Variants in CRTC1 observed in about 807,000 individuals in gnomAD.
CRTC1 encodes CREB-regulated transcription coactivator 1.
In CRTC1, 18 loss-of-function variants were observed where a neutral mutation model predicts 66.1. The ratio of observed to expected loss-of-function variants is 0.27; its 90% CI spans 0.19 to 0.40. The LOEUF is 0.40. CRTC1 is among the 10% of genes least tolerant of loss of function. The probability of loss-of-function intolerance (pLI) is 1.00; values close to 1 mark genes in which losing one functional copy is unlikely to be tolerated. For synonymous variants in CRTC1, 416 were observed against 398.8 expected (o/e 1.04, Z -0.51); for missense variants, 669 against 887.9 (o/e 0.75, Z 3.13).
chr19:18,753,537 A>G lies in CRTC1; in HGVS notation c.576A>G (p.Thr192=), dbSNP rs1435446839. ...CAGTCCCAGGAATGGAAGAGACCACATCAGAGGCAGACAAAAACCTTTCCA... is the reference window on the plus strand; with the variant it reads ...CAGTCCCAGGAATGGAAGAGACCACGTCAGAGGCAGACAAAAACCTTTCCA... The part of the protein sequence containing the change: ...LLTVPGMEET[T]SEADKNLSKQ... Residue 192 remains threonine, a synonymous_variant, in exon 6 of 14, where the codon ACA becomes ACG. Transcript: ENST00000321949. The G allele has an allele frequency of 1.2e-6, 2 of 1,613,474 alleles. No individual in the cohort carries two copies. Among genetic ancestry groups the G allele is most frequent in the Non-Finnish European group, 1.7e-6 (2 of 1,179,662 alleles).
intron 1 of CRTC1, among the ~76,000 whole-genome samples, chr19:18,714,918 G>C (rs2053472214): frequency 6.6e-6 from 1 of 152,256 alleles, no homozygotes; most frequent in African/African-American, 2.4e-5. Context: ...TTCCCAGCCT[G>C]GGCTTCGGGA....
At chr19:18,764,821 G>A (rs1311954277) in intron 8 of CRTC1, among the ~76,000 whole-genome samples, 1 of 152,200 alleles carries the variant, frequency 6.6e-6, no homozygotes, top group Non-Finnish European at 1.5e-5. Context: ...CTGCAGGAAT[G>A]GGCACATTCA....
intron 6 of CRTC1, among the ~76,000 whole-genome samples, chr19:18,755,358 T>TA (rs796267490): frequency 2.1e-4 from 32 of 152,234 alleles, no homozygotes; most frequent in Middle Eastern, 3.4e-3. Context: ...GTCCTGGACT[T>TA]AAACAGTCCT....
chr19:18,728,655 G>A (rs1412040500), intron 1 of CRTC1, among the ~76,000 whole-genome samples: 2 of 151,706 alleles, frequency 1.3e-5, no homozygotes, highest in Admixed American at 1.3e-4. Context: ...ACAGGCATGT[G>A]CCACGACACC....
intron 1 of CRTC1, among the ~76,000 whole-genome samples, chr19:18,716,451 C>A (rs1247271376): frequency 6.6e-6 from 1 of 152,086 alleles, no homozygotes; most frequent in East Asian, 1.9e-4. Flanking sequence ...GGGGTTTCAC[C>A]ATGTTGGCCA....
chr19:18,707,902 A>G (rs1310624231), intron 1 of CRTC1, among the ~76,000 whole-genome samples: 1 of 152,246 alleles, frequency 6.6e-6, no homozygotes, highest in Non-Finnish European at 1.5e-5. Flanking sequence ...CAAGCCCATA[A>G]TTGGCCCCTG....
chr19:18,713,655 G>A (rs1334100848), intron 1 of CRTC1, among the ~76,000 whole-genome samples: 2 of 148,656 alleles, frequency 1.3e-5, no homozygotes, highest in Non-Finnish European at 3.0e-5. Context: ...GCTCACCGCC[G>A]GTTGGCCTTA....
In CRTC1 at chr19:18,745,917, C is replaced by A. The variant is rs762670352; in HGVS notation, c.338C>A (p.Ser113Tyr). 2.2e-5 allele frequency: 36 copies of A among 1,612,852 alleles called. No homozygotes were observed. The highest frequency in any genetic ancestry group is 1.5e-5 in the Non-Finnish European group (18 of 1,179,650). ...RVYRERGRLG[S>Y]PHRRPLSVDK... ...TACCGGGAGCGTGGCCGGCTCGGCTCCCCACACCGCCGGCCCCTGTCAGTG... is the reference window on the plus strand; with the variant it reads ...TACCGGGAGCGTGGCCGGCTCGGCTACCCACACCGCCGGCCCCTGTCAGTG... Residue 113 changes from serine to tyrosine, a missense_variant, in exon 3 of 14, where the codon TCC (serine) becomes TAC (tyrosine). This residue lies in a region of CRTC1 where 214 missense variants were observed against 323.4 expected (regional missense o/e 0.66). Coordinates refer to ENST00000321949, the MANE Select transcript of CRTC1 (RefSeq NM_015321.3).
intron 6 of CRTC1, among the ~76,000 whole-genome samples, chr19:18,755,840 C>A (rs1362484336): frequency 6.6e-6 from 1 of 151,672 alleles, no homozygotes; most frequent in African/African-American, 2.4e-5. Flanking sequence ...TGGGCTCAAG[C>A]AGTCCTCTGC....
chr19:18,732,081 G>A (rs1175556810), intron 1 of CRTC1, among the ~76,000 whole-genome samples: 6 of 152,352 alleles, frequency 3.9e-5, no homozygotes, highest in Middle Eastern at 6.8e-3. Context: ...ATTCCTGGGG[G>A]TGATGCTGGG....
At chr19:18,685,848 T>C (rs919939994) in intron 1 of CRTC1, among the ~76,000 whole-genome samples, 4 of 152,152 alleles carry the variant, frequency 2.6e-5, no homozygotes, top group Non-Finnish European at 5.9e-5. Context: ...GGTTCATGGG[T>C]GTCATTCTGA....
At chr19:18,733,129 G>A (rs891371169) in intron 1 of CRTC1, among the ~76,000 whole-genome samples, 2 of 151,912 alleles carry the variant, frequency 1.3e-5, no homozygotes, top group Admixed American at 6.6e-5. Flanking sequence ...CCTCCCGGCT[G>A]GGGAAAGAGC....
intron 2 of CRTC1, chr19:18,744,075 G>A (rs753536314): frequency 1.3e-4 from 210 of 1,612,002 alleles, no homozygotes; most frequent in Non-Finnish European, 1.7e-4. Context: ...CAAGGCAGCA[G>A]CGTCTCAAAG....
chr19:18,738,356 T>C (rs1159393104), intron 1 of CRTC1, among the ~76,000 whole-genome samples: 1 of 151,890 alleles, frequency 6.6e-6, no homozygotes, highest in Non-Finnish European at 1.5e-5. Flanking sequence ...GTAAAAACTA[T>C]AAAAAGAAAA....
Position 18,777,391 on chromosome 19 carries a change from G to GC in CRTC1, c.*11dup. 6.3e-7 allele frequency: 1 copy of GC among 1,599,976 alleles called. No homozygotes were observed. The highest frequency in any genetic ancestry group is 8.5e-7 in the Non-Finnish European group (1 of 1,179,058). ...GGATGGACCGCCTGTGAGCGGGCAC[G>GC]CCGGCACCCTGCCGCTCAGCCGTCC... is the stretch of plus-strand genomic sequence containing the variant. On this transcript the variant is annotated 3_prime_UTR_variant, in exon 14 of 14. Coordinates refer to ENST00000321949, the MANE Select transcript of CRTC1 (RefSeq NM_015321.3). This position sits in a 1 kb window ranked among gnomAD's most constrained non-coding sequence, Gnocchi z 5.5.
rs1032344259 is a variant in CRTC1 at position 18,741,284 on chromosome 19, C to T, written c.127-1626C>T. Among the ~76,000 whole-genome samples the T allele has an allele frequency of 6.6e-6, 1 of 152,180 alleles. No homozygotes were observed. The highest frequency in any genetic ancestry group is 2.4e-5 in the African/African-American group (1 of 41,440). ...TTCAGGGAGTTCTTGCCCCTGATGT[C>T]TGGCCTCCTGGGAGCTGGCAGCTCA... On this transcript the variant is annotated intron_variant, in intron 1 of 13. Transcript: ENST00000321949. The surrounding 1 kb of genome is among the most constrained non-coding windows in gnomAD (Gnocchi z 4.2).
intron 1 of CRTC1, among the ~76,000 whole-genome samples, chr19:18,687,882 G>A (rs1015165804): frequency 3.3e-5 from 5 of 152,100 alleles, no homozygotes; most frequent in East Asian, 1.9e-4. Flanking sequence ...GTGTGTGGGC[G>A]TTCCCTCCCA....
chr19:18,744,140 G>A (rs775512684), intron 2 of CRTC1: 3 of 1,611,834 alleles, frequency 1.9e-6, no homozygotes, highest in Non-Finnish European at 1.7e-6. Context: ...CCCTGGCAGC[G>A]GCTCCTGTCT....
intron 1 of CRTC1, among the ~76,000 whole-genome samples, chr19:18,701,917 G>GTTTTT (rs1338365638): frequency 7.2e-6 from 1 of 138,874 alleles, no homozygotes; most frequent in African/African-American, 2.7e-5. Flanking sequence ...CGCGCCCACC[G>GTTTTT]TTTTGTTTTT....
Sources: gnomAD v4.1 joint callset for allele counts (sites outside exome capture counted in the v4.1 genomes callset) on GRCh38, gnomAD v4.1.1 for gene constraint, gnomAD v4.1.1 regional missense constraint, Gnocchi (gnomAD v3.1) non-coding constraint, MANE v1.5 for transcripts, NCBI Gene and HGNC (gene_info 2026-07-23, HGNC 2026-07-21) for gene names.